CTNNA3: variants seen among roughly 807,000 people sequenced by gnomAD.
CTNNA3 encodes the protein catenin alpha-3.
CTNNA3 carries 76 observed loss-of-function variants against 95.7 expected under a neutral mutation model. That is an observed-to-expected ratio of 0.79 (90% CI 0.66 to 0.96). CTNNA3 has a LOEUF of 0.96. CTNNA3 is among the 40% of genes least tolerant of loss of function. CTNNA3 has a pLI of 0.00. For missense variants in CTNNA3, 1,191 were observed against 1,089.8 expected, an observed-to-expected ratio of 1.09 and a Z score of -1.31; for synonymous variants, 431 against 374.4, an observed-to-expected ratio of 1.15 and a Z score of -1.74.
chr10:67,290,692 ATGTC>A (rs1839801427), intron 5 of CTNNA3, among the ~76,000 whole-genome samples: 1 of 152,190 alleles, frequency 6.6e-6, no homozygotes, highest in Admixed American at 6.5e-5. Flanking sequence ...TGACTCAAAG[ATGTC>A]TGACTCCAGA....
intron 13 of CTNNA3, among the ~76,000 whole-genome samples, chr10:66,251,964 G>T (rs1421176159): frequency 6.6e-6 from 1 of 152,054 alleles, no homozygotes; most frequent in Non-Finnish European, 1.5e-5. Context: ...TAAACTCCAG[G>T]CAGTTTGATC....
chr10:66,632,555 CAAAAAAA>C (rs10559608), intron 9 of CTNNA3, among the ~76,000 whole-genome samples: 2 of 100,950 alleles, frequency 2.0e-5, no homozygotes, highest in Non-Finnish European at 3.9e-5. Flanking sequence ...AACTCCATCT[CAAAAAAA>C]AAAAAAAAAA....
chr10:67,264,839 A>G (rs1417178601), intron 5 of CTNNA3, among the ~76,000 whole-genome samples: 2 of 152,196 alleles, frequency 1.3e-5, no homozygotes, highest in Non-Finnish European at 2.9e-5. Context: ...AGTTGGATAA[A>G]CTTTCCACTG....
At chr10:67,257,740 A>T (rs1481313009) in intron 5 of CTNNA3, among the ~76,000 whole-genome samples, 1 of 152,134 alleles carries the variant, frequency 6.6e-6, no homozygotes, top group Non-Finnish European at 1.5e-5. Context: ...GAAAAACCAA[A>T]TTTTTTCTTT....
intron 9 of CTNNA3, among the ~76,000 whole-genome samples, chr10:66,709,888 G>A (rs10997327): frequency 0.032 from 4,916 of 152,068 alleles, 209 homozygotes; most frequent in East Asian, 0.22. Flanking sequence ...TGTAAATTTC[G>A]CTGTTGTAGT....
intron 15 of CTNNA3, among the ~76,000 whole-genome samples, chr10:65,995,194 A>G (rs1156762872): frequency 6.6e-6 from 1 of 151,892 alleles, no homozygotes; most frequent in Non-Finnish European, 1.5e-5. Flanking sequence ...GACAATTATT[A>G]TGTTTCTTTA....
chr10:66,386,842 A>C (rs1489487954), intron 11 of CTNNA3, among the ~76,000 whole-genome samples: 1 of 152,048 alleles, frequency 6.6e-6, no homozygotes, highest in Non-Finnish European at 1.5e-5. Context: ...ACAAGAAATG[A>C]GGAAAGGATT....
intron 7 of CTNNA3, among the ~76,000 whole-genome samples, chr10:66,951,124 T>G (rs1342443675): frequency 1.4e-5 from 2 of 146,592 alleles, no homozygotes; most frequent in African/African-American, 5.0e-5. Flanking sequence ...CACACTGTCT[T>G]TTTTTTTTTT....
At chr10:66,454,808 G>C (rs933922684) in intron 11 of CTNNA3, among the ~76,000 whole-genome samples, 1 of 145,320 alleles carries the variant, frequency 6.9e-6, no homozygotes, top group African/African-American at 2.6e-5. Flanking sequence ...AATGAGAGGA[G>C]GGAGAGGAGG....
intron 3 of CTNNA3, among the ~76,000 whole-genome samples, chr10:67,587,501 T>C (rs1476230964): frequency 2.0e-5 from 3 of 152,166 alleles, no homozygotes; most frequent in African/African-American, 7.2e-5. Context: ...TATTGGCTGA[T>C]AGTTGATTTC....
intron 11 of CTNNA3, among the ~76,000 whole-genome samples, chr10:66,520,007 A>G (rs919319949): frequency 1.3e-5 from 2 of 152,068 alleles, no homozygotes; most frequent in African/African-American, 2.4e-5. Context: ...AAATCTAGGA[A>G]AAACCTAAGA....
chr10:66,003,814 T>G (rs545152798), intron 15 of CTNNA3, among the ~76,000 whole-genome samples: 4 of 152,178 alleles, frequency 2.6e-5, no homozygotes, highest in African/African-American at 7.2e-5. Flanking sequence ...CTGCTGCAAT[T>G]GCTTACTTTT....
rs1842789756 is a variant in CTNNA3, at chr10:67,355,864, T to C, written c.580-135994A>G. On this transcript the variant is annotated intron_variant, in intron 5 of 17. Coordinates refer to ENST00000433211, the MANE Select transcript of CTNNA3 (RefSeq NM_013266.4). The stretch of plus-strand genomic sequence containing the variant: ...AGTAGTACATATGCATAATTCATAG[T>C]GAAGAGGGAATCCCAGACCTTATTC... 2.0e-5 allele frequency among the ~76,000 whole-genome samples: 3 copies of C among 152,036 alleles called. No individual in the cohort carries two copies. The South Asian group carries it at 6.2e-4, about 31-fold the overall frequency.
At chr10:66,475,803 G>A (rs887549844) in intron 11 of CTNNA3, among the ~76,000 whole-genome samples, 2 of 152,048 alleles carry the variant, frequency 1.3e-5, no homozygotes, top group African/African-American at 2.4e-5. Flanking sequence ...AAGACATTGT[G>A]ACGATTCCTC....
rs148777183 is a variant in CTNNA3, at chr10:67,380,891, T to G, written c.579+140951A>C. On this transcript the variant is annotated intron_variant, in intron 5 of 17. Transcript: ENST00000433211. ...ATTTCACTTTGTACTTTTTAGTGAC[T>G]AAAATAGGTTAGCAGAGAGCACTAA... Among the ~76,000 whole-genome samples the G allele has an allele frequency of 2.7e-3, 417 of 152,330 alleles. 1 individual carries two copies. The highest frequency in any genetic ancestry group is 9.2e-3 in the African/African-American group (384 of 41,580).
At position 67,364,599 on chromosome 10, in the gene CTNNA3, C is replaced by A. The variant is rs187926588; in HGVS notation, c.580-144729G>T. ...CACCAATAGCAGACAAACAGAGAGC[C>A]AAATCATGAGTGAACTCCCATTCAC... is the stretch of plus-strand genomic sequence containing the variant. On this transcript the variant is annotated intron_variant, in intron 5 of 17. Transcript: ENST00000433211. Among the ~76,000 whole-genome samples, 413 of 152,256 alleles carry A rather than the reference C, an allele frequency of 2.7e-3. 4 individuals carry two copies. The highest frequency in any genetic ancestry group is 9.5e-3 in the African/African-American group (395 of 41,558).
In CTNNA3 at chr10:66,372,989, T is replaced by C. The variant is rs146567779; in HGVS notation, c.1732+6163A>G. The stretch of plus-strand genomic sequence containing the variant: ...TTTACATTTTTCAGATATGGCAGTA[T>C]CTCAACCCCTCTTTATGATTCTTTA... On this transcript the variant is annotated intron_variant, in intron 12 of 17. Transcript: ENST00000433211. 2.0e-4 allele frequency among the ~76,000 whole-genome samples: 31 copies of C among 152,264 alleles called. No individual in the cohort carries two copies. The East Asian group carries it at 4.1e-3, about 20-fold the overall frequency.
intron 13 of CTNNA3, among the ~76,000 whole-genome samples, chr10:66,228,292 T>A (rs1373967992): frequency 6.6e-6 from 1 of 152,042 alleles, no homozygotes; most frequent in Non-Finnish European, 1.5e-5. Context: ...TCTTTTTTGA[T>A]GTGTTTTTGC....
Position 66,056,608 on chromosome 10 carries a change from T to C in CTNNA3, c.2159+12700A>G, listed in dbSNP as rs564878047. 3.9e-5 allele frequency among the ~76,000 whole-genome samples: 6 copies of C among 152,294 alleles called. No individual in the cohort carries two copies. In the South Asian group the frequency reaches 6.2e-4, roughly 16 times the overall value. ...AGAAATAATTTCAGTAGGATTGACA[T>C]TATTTATTTTTAAATTGTTTGGTAG... is the stretch of plus-strand genomic sequence containing the variant. On this transcript the variant is annotated intron_variant, in intron 15 of 17. Transcript: ENST00000433211.
Sources: gnomAD v4.1 joint callset for allele counts (sites outside exome capture counted in the v4.1 genomes callset) on GRCh38, gnomAD v4.1.1 for gene constraint, MANE v1.5 for transcripts, NCBI Gene and HGNC (gene_info 2026-07-23, HGNC 2026-07-21) for gene names.